The following MCF2 variants were observed in gnomAD, a reference collection of about 807,000 sequenced individuals.
The protein encoded by MCF2 is proto-oncogene DBL.
In MCF2, 44 loss-of-function variants were observed where a neutral mutation model predicts 82.5. The observed-to-expected ratio is 0.53, with a 90% CI of 0.42 to 0.69. The LOEUF is 0.69. Ranked by LOEUF, MCF2 falls within the 30% of genes least tolerant of loss-of-function variation. The pLI is 0.00. For missense variants in MCF2, 623 were observed against 663.1 expected (o/e 0.94, Z 0.66); for synonymous variants, 217 against 224.9 (o/e 0.96, Z 0.32).
At chrX:139,616,569 C>T (rs749354674) in intron 8 of MCF2, 96 bp from the exon 12 acceptor site, 63 of 451,016 alleles carry the variant, frequency 1.4e-4, no homozygotes, top group Middle Eastern at 1.5e-3. Flanking sequence ...CTCTGGCTTC[C>T]GTGAGTCAGA....
chrX:139,596,524 C>T, intron 19 of MCF2, 25 bp downstream of exon 23: 1 of 1,128,404 alleles, frequency 8.9e-7, no homozygotes, highest in East Asian at 3.0e-5. Flanking sequence ...AACAATACTA[C>T]ATTACCCGAT....
At chrX:139,664,967 G>A (rs1031636425) in intron 1 of MCF2, among the ~76,000 whole-genome samples, 2 of 111,398 alleles carry the variant, frequency 1.8e-5, no homozygotes, top group East Asian at 5.7e-4. Flanking sequence ...TAGAAATGCC[G>A]TATGGGAGCT....
At chrX:139,599,251 C>T (rs370509228) in intron 16 of MCF2, among the ~76,000 whole-genome samples, 7 of 106,421 alleles carry the variant, frequency 6.6e-5, no homozygotes, top group East Asian at 3.0e-4. Flanking sequence ...GTGGTTTTTG[C>T]CATTACTTTC....
At chrX:139,604,724 C>T in exon 15 of MCF2, 2 of 1,197,937 alleles carry the variant, frequency 1.7e-6, no homozygotes, top group Non-Finnish European at 2.3e-6. Flanking sequence ...AGCATGAGCA[C>T]AATTTTCCAG....
At chrX:139,631,281 G>T (rs1340122907) in intron 3 of MCF2, 114 bp downstream of exon 6, 5 of 420,376 alleles carry the variant, frequency 1.2e-5, no homozygotes, top group African/African-American at 8.9e-5. Flanking sequence ...GAAAGCTGGG[G>T]TTTTTTTGTT....
intron 1 of MCF2, among the ~76,000 whole-genome samples, chrX:139,698,789 A>C (rs1440942688): frequency 8.9e-6 from 1 of 112,344 alleles, no homozygotes; most frequent in Non-Finnish European, 1.9e-5. Context: ...ATATAAGGAC[A>C]AATTTAAAGA....
At chrX:139,651,058 T>C (rs1305513808) in intron 2 of MCF2, among the ~76,000 whole-genome samples, 1 of 110,378 alleles carries the variant, frequency 9.1e-6, no homozygotes, top group African/African-American at 3.4e-5. Context: ...AGTAATTGTT[T>C]AATGGATATA....
At chrX:139,663,261 G>T (rs773729108) in intron 1 of MCF2, among the ~76,000 whole-genome samples, 1 of 111,937 alleles carries the variant, frequency 8.9e-6, no homozygotes, top group Non-Finnish European at 1.9e-5. Context: ...ATTTCTACCC[G>T]CAGTATATAA....
Position 139,626,775 on chromosome X carries a change from G to A in MCF2, c.439-19C>T. 3 of 1,194,415 alleles carry A rather than the reference G, an allele frequency of 2.5e-6. No homozygotes were observed. The highest frequency in any genetic ancestry group is 1.7e-5 in the African/African-American group (1 of 57,360). On this transcript the variant is annotated intron_variant, in intron 4 of 24. Coordinates refer to ENST00000370576, the Ensembl canonical transcript of MCF2. ...TATCATTCTGTCCAAAGACACAAAA[G>A]GAGTATCACCTAATTAGTAATCCAA...
At chrX:139,622,687 C>T (rs1402583840) in intron 6 of MCF2, among the ~76,000 whole-genome samples, 2 of 106,614 alleles carry the variant, frequency 1.9e-5, no homozygotes, top group Non-Finnish European at 3.9e-5. Flanking sequence ...ACAATGAGAA[C>T]ACATGGACAC....
chrX:139,647,328 A>G (rs1443025231), upstream of MCF2, among the ~76,000 whole-genome samples: 1 of 111,889 alleles, frequency 8.9e-6, no homozygotes, highest in Non-Finnish European at 1.9e-5. Context: ...GGTGAGCAGG[A>G]AAAGATACAG....
intron 1 of MCF2, among the ~76,000 whole-genome samples, chrX:139,638,459 T>C (rs963986865): frequency 1.8e-5 from 2 of 111,427 alleles, no homozygotes; most frequent in East Asian, 2.8e-4. Context: ...TCCTCCTATA[T>C]GACGAGGAGC....
chrX:139,703,110 C>T (rs966127427), intron 1 of MCF2, among the ~76,000 whole-genome samples: 24 of 111,998 alleles, frequency 2.1e-4, no homozygotes, highest in African/African-American at 6.8e-4. Context: ...GCTTCTGTCA[C>T]GAAGCCTTCT....
chrX:139,632,307 A>G, intron 2 of MCF2, 28 bp downstream of exon 5: 1 of 1,146,131 alleles, frequency 8.7e-7, no homozygotes, highest in African/African-American at 1.8e-5. Context: ...AATTAGAGGA[A>G]CAAAACATTT....
In MCF2 at chrX:139,667,250, G is replaced by A. The variant is rs2148546934; in HGVS notation, c.-44-15462C>T. ...CTCTGTTACCCAGATAGAACTACAG[G>A]CATGTGCCACCATGCTTGGCTTATT... On this transcript the variant is annotated intron_variant, in intron 1 of 27. Transcript: ENST00000414978. Among the ~76,000 whole-genome samples, 2 of 106,779 alleles carry A rather than the reference G, an allele frequency of 1.9e-5. 1 individual carries two copies. Among genetic ancestry groups the A allele is most frequent in the South Asian group, 8.4e-4 (2 of 2,373 alleles). 92.7% of individuals were successfully genotyped at this position (106,779 alleles called of 115,157 possible). A position where few individuals can be genotyped will look rare whatever the true frequency, so the allele number is the denominator to read the frequency against.
At chrX:139,633,432 T>C (rs185693509) in intron 1 of MCF2, among the ~76,000 whole-genome samples, 10 of 111,842 alleles carry the variant, frequency 8.9e-5, no homozygotes, top group Non-Finnish European at 1.7e-4. Context: ...AGGAGTTAGG[T>C]TACTCACTTT....
intron 2 of MCF2, among the ~76,000 whole-genome samples, chrX:139,648,554 C>G (rs1933885840): frequency 1.8e-5 from 2 of 111,513 alleles, no homozygotes; most frequent in African/African-American, 6.5e-5. Context: ...GATTTAAATC[C>G]ATCCATATGA....
At position 139,678,360 on chromosome X, in the gene MCF2, G is replaced by A. The variant is rs766055419; in HGVS notation, c.-44-26572C>T. ...GAGGATTCAAATCTTACACTGTTGG[G>A]AATCAGATCAGAGAAAATATAGTAT... On this transcript the variant is annotated intron_variant, in intron 1 of 27. Transcript: ENST00000414978. Among the ~76,000 whole-genome samples the A allele has an allele frequency of 3.0e-3, 339 of 111,344 alleles. 1 individual carries two copies. Among genetic ancestry groups the A allele is most frequent in the Non-Finnish European group, 4.7e-3 (247 of 53,065 alleles).
intron 6 of MCF2, among the ~76,000 whole-genome samples, chrX:139,620,978 T>C (rs1315696170): frequency 9.0e-6 from 1 of 111,252 alleles, no homozygotes; most frequent in South Asian, 3.8e-4. Context: ...CAAAACAACA[T>C]AGTCCTGGTA....
Sources: allele counts gnomAD v4.1 joint callset (sites outside exome capture counted in the v4.1 genomes callset), GRCh38; gene constraint gnomAD v4.1.1; transcripts MANE v1.5; gene names NCBI Gene and HGNC (gene_info 2026-07-23, HGNC 2026-07-21).